JPH2: variants seen among roughly 807,000 people sequenced by gnomAD.
JPH2 encodes junctophilin 2, also known as junctophilin-2.
In JPH2, 38 loss-of-function variants were observed where a neutral mutation model predicts 55.9. That is an observed-to-expected ratio of 0.68 (90% CI 0.52 to 0.89). JPH2 has a LOEUF of 0.89. Ranked by LOEUF, JPH2 falls within the 40% of genes least tolerant of loss-of-function variation. The pLI, the probability that JPH2 is intolerant of heterozygous loss-of-function variation, is 0.00. For missense variants in JPH2, 964 were observed against 1,037.6 expected (o/e 0.93, Z 0.97); for synonymous variants, 480 against 472.4 (o/e 1.02, Z -0.21).
Position 44,157,478 on chromosome 20 carries a change from A to G in JPH2, c.1169+2140T>C, listed in dbSNP as rs1029285637. The stretch of plus-strand genomic sequence containing the variant: ...GTCCGGCCTTCTTCCCTTCCCCACA[A>G]GTGTTGATCCAGAGGGTGCTCCCTG... On this transcript the variant is annotated intron_variant, in intron 2 of 5. Transcript: ENST00000372980. Among the ~76,000 whole-genome samples the G allele has an allele frequency of 9.2e-5, 14 of 152,030 alleles. No homozygotes were observed. The East Asian group carries it at 1.2e-3, about 13-fold the overall frequency.
At chr20:44,151,630 G>A (rs932571084) in intron 2 of JPH2, among the ~76,000 whole-genome samples, 15 of 152,126 alleles carry the variant, frequency 9.9e-5, no homozygotes, top group Admixed American at 6.5e-4. Context: ...TGCAGAGACC[G>A]GGGAGACCTG....
In JPH2 at chr20:44,112,613, G is replaced by T. The variant is rs1056150475; in HGVS notation, c.*905C>A. The stretch of plus-strand genomic sequence containing the variant: ...CCCTGAGCTTTCGGTGGGCCCTGAT[G>T]GGGGAGGAGACAAGCCATTTCACAG... On this transcript the variant is annotated 3_prime_UTR_variant, in exon 6 of 6. Transcript: ENST00000372980. The T allele has an allele frequency of 2.6e-5, 4 of 152,194 alleles. No individual in the cohort carries two copies. 9.4% of individuals were successfully genotyped at this position (152,194 alleles called of 1,614,324 possible).
At position 44,108,232 on chromosome 20, in the gene JPH2, G is replaced by A. The variant is rs543046705; in HGVS notation, c.*5286C>T. On this transcript the variant is annotated 3_prime_UTR_variant, in exon 6 of 6. Coordinates refer to ENST00000372980, the MANE Select transcript of JPH2 (RefSeq NM_020433.5). ...GCAAGGTAACAGATACCGAGGACAC[G>A]GGTGTTTAGCATTTGGAACCCTCCC... 3.9e-5 allele frequency among the ~76,000 whole-genome samples: 6 copies of A among 152,280 alleles called. No individual in the cohort carries two copies. Among genetic ancestry groups the A allele is most frequent in the East Asian group, 1.9e-4 (1 of 5,186 alleles).
chr20:44,134,207 ATATATATT>A (rs1456379688), intron 2 of JPH2, among the ~76,000 whole-genome samples: 2 of 33,420 alleles, frequency 6.0e-5, no homozygotes, highest in Non-Finnish European at 9.1e-5. Context: ...AAATATATAA[ATATATATT>A]TATTATAAAT....
intron 2 of JPH2, among the ~76,000 whole-genome samples, chr20:44,135,313 C>G (rs1202416238): frequency 1.3e-5 from 2 of 152,160 alleles, no homozygotes; most frequent in Non-Finnish European, 2.9e-5. Flanking sequence ...GCCAACCTCT[C>G]TGGTCTGACT....
rs184421555 is a variant in JPH2 at position 44,135,446 on chromosome 20, C to T, written c.1170-16823G>A. ...CTCCTGGGAACTCTTGTCTCCATCC[C>T]CATCTTTCGGTTCTTTATCTGGTGA... On this transcript the variant is annotated intron_variant, in intron 2 of 5. Transcript: ENST00000372980. Among the ~76,000 whole-genome samples the T allele has an allele frequency of 1.9e-3, 290 of 152,200 alleles. 2 individuals carry two copies. The highest frequency in any genetic ancestry group is 6.4e-3 in the African/African-American group (266 of 41,534).
intron 2 of JPH2, among the ~76,000 whole-genome samples, chr20:44,136,686 G>T (rs1371878894): frequency 6.6e-6 from 1 of 152,128 alleles, no homozygotes; most frequent in African/African-American, 2.4e-5. Flanking sequence ...GGAAGCATTA[G>T]TTACTACTGG....
At chr20:44,143,714 G>A (rs1286602756) in intron 2 of JPH2, among the ~76,000 whole-genome samples, 2 of 152,198 alleles carry the variant, frequency 1.3e-5, no homozygotes, top group African/African-American at 4.8e-5. Context: ...CTCTGCTTTT[G>A]CAGGAACCTT....
chr20:44,145,534 G>C (rs6103651), intron 2 of JPH2, among the ~76,000 whole-genome samples: 3,847 of 151,720 alleles, frequency 0.025, 155 homozygotes, highest in African/African-American at 0.076. Flanking sequence ...AACGCGGGAG[G>C]AGGAGGCTGC....
chr20:44,119,400 G>C (rs2072218705), intron 2 of JPH2, among the ~76,000 whole-genome samples: 1 of 152,196 alleles, frequency 6.6e-6, no homozygotes, highest in Admixed American at 6.5e-5. Context: ...TTCAGTTGGA[G>C]TTAATAAAAA....
intron 2 of JPH2, among the ~76,000 whole-genome samples, chr20:44,151,211 G>A (rs1317151149): frequency 6.6e-6 from 1 of 152,000 alleles, no homozygotes; most frequent in African/African-American, 2.4e-5. Flanking sequence ...CAAATCTCTA[G>A]TTCATCTTGG....
chr20:44,148,608 G>A (rs1490581728), intron 2 of JPH2, among the ~76,000 whole-genome samples: 3 of 152,182 alleles, frequency 2.0e-5, no homozygotes, highest in South Asian at 2.1e-4. Flanking sequence ...GAGCTGCCGC[G>A]TGGCCTTAGG....
intron 1 of JPH2, among the ~76,000 whole-genome samples, chr20:44,172,072 G>A (rs142682731): frequency 1.8e-3 from 270 of 152,324 alleles, no homozygotes; most frequent in African/African-American, 4.4e-3. Context: ...CAAGGTTGCT[G>A]TATTACATGG....
intron 1 of JPH2, among the ~76,000 whole-genome samples, chr20:44,161,845 T>C (rs543565179): frequency 7.6e-4 from 116 of 152,244 alleles, no homozygotes; most frequent in African/African-American, 2.7e-3. Flanking sequence ...TAAACTGCCA[T>C]TTATGTCCTG....
At chr20:44,150,722 T>C (rs2072525121) in intron 2 of JPH2, among the ~76,000 whole-genome samples, 1 of 152,122 alleles carries the variant, frequency 6.6e-6, no homozygotes, top group South Asian at 2.1e-4. Context: ...AGTCAATAAA[T>C]AACAACAAAA....
rs143542425 is a variant in JPH2, at chr20:44,175,560, C to T, written c.379+10767G>A. Among the ~76,000 whole-genome samples the T allele has an allele frequency of 2.1e-3, 325 of 152,356 alleles. 11 individuals are homozygous for T. In the East Asian group the frequency reaches 0.041, roughly 19 times the overall value. ...GTTTCCTGGGATCACCAACAGACAACCCGAAGCGGAGGAGCTGGCGGCATT... is the reference window on the plus strand; with the variant it reads ...GTTTCCTGGGATCACCAACAGACAATCCGAAGCGGAGGAGCTGGCGGCATT... On this transcript the variant is annotated intron_variant, in intron 1 of 5. Transcript: ENST00000372980.
intron 2 of JPH2, among the ~76,000 whole-genome samples, chr20:44,145,615 AAAAAGT>A: frequency 1.3e-5 from 2 of 152,248 alleles, no homozygotes; most frequent in East Asian, 3.9e-4. Flanking sequence ...AAAAAAAAAA[AAAAAGT>A]AAAGCTGGCA....
intron 2 of JPH2, among the ~76,000 whole-genome samples, chr20:44,121,092 A>G (rs970187638): frequency 9.2e-5 from 14 of 152,264 alleles, no homozygotes; most frequent in African/African-American, 3.4e-4. Context: ...AATGCAGGAC[A>G]GAAAGACTTA....
rs1013137638 is a variant in JPH2, at chr20:44,107,366, T to C, written c.*6152A>G. Among the ~76,000 whole-genome samples the C allele has an allele frequency of 6.6e-6, 1 of 152,128 alleles. No homozygotes were observed. Among genetic ancestry groups the C allele is most frequent in the Non-Finnish European group, 1.5e-5 (1 of 68,018 alleles). On this transcript the variant is annotated 3_prime_UTR_variant, in exon 6 of 6. Transcript: ENST00000372980. ...GTTTACCAAAACCCACATCCTTCTC[T>C]TCTCCCTGAGGACACATGTAGTCCG... is the stretch of plus-strand genomic sequence containing the variant.
Sources: gnomAD v4.1 joint callset for allele counts (sites outside exome capture counted in the v4.1 genomes callset) on GRCh38, gnomAD v4.1.1 for gene constraint, MANE v1.5 for transcripts, NCBI Gene and HGNC (gene_info 2026-07-23, HGNC 2026-07-21) for gene names.